The following TUBAL3 variants were observed in gnomAD, a reference collection of about 807,000 sequenced individuals.
TUBAL3 encodes the protein tubulin alpha chain-like 3.
TUBAL3 carries 16 observed loss-of-function variants against 15.5 expected under a neutral mutation model. That is an observed-to-expected ratio of 1.04 (90% confidence interval 0.70 to 1.57). The LOEUF is 1.57. Among genes scored for constraint, TUBAL3 ranks in the 40% most tolerant of loss-of-function variants. The probability of loss-of-function intolerance (pLI) is 0.00; values close to 1 mark genes in which losing one functional copy is unlikely to be tolerated. For synonymous variants in TUBAL3, 238 were observed against 224.3 expected, an observed-to-expected ratio of 1.06 and a Z score of -0.55; for missense variants, 609 against 576.2, an observed-to-expected ratio of 1.06 and a Z score of -0.58.
chr10:5,401,515 GAAAT>G (rs1279581993), intron 1 of TUBAL3, among the ~76,000 whole-genome samples: 1 of 151,880 alleles, frequency 6.6e-6, no homozygotes, highest in African/African-American at 2.4e-5. Context: ...TTATTGGAAA[GAAAT>G]AAAACTAAAA....
chr10:5,400,383 G>A (rs1198967873), intron 2 of TUBAL3, among the ~76,000 whole-genome samples: 2 of 152,170 alleles, frequency 1.3e-5, no homozygotes, highest in African/African-American at 4.8e-5. Context: ...TGTAATCCCA[G>A]CACTTTGGGA....
At position 5,396,063 on chromosome 10, in the gene TUBAL3, C is replaced by T. The variant is rs77291689; in HGVS notation, c.248-588G>A. Among the ~76,000 whole-genome samples, 1 of 152,118 alleles carries T rather than the reference C, an allele frequency of 6.6e-6. No individual in the cohort carries two copies. Among genetic ancestry groups the T allele is most frequent in the African/African-American group, 2.4e-5 (1 of 41,412 alleles). On this transcript the variant is annotated intron_variant, in intron 2 of 3. Transcript: ENST00000380419. This position sits in a 1 kb window ranked among gnomAD's most constrained non-coding sequence, Gnocchi z 5.1. Reference sequence around the variant, plus strand: ...TTTAACTAGCTACATCAGCAAAGACCCTGTTTCCAAATAAAGTCACATTCT... The same window carrying T: ...TTTAACTAGCTACATCAGCAAAGACTCTGTTTCCAAATAAAGTCACATTCT...
chr10:5,394,066 G>C lies in TUBAL3; in HGVS notation c.792C>G (p.Thr264=). Reference sequence around the variant, plus strand: ...GTATTCTCGGATAAGGTACCAGGTTGGTCTGGAATTCAATTAGGTCTACAT... The same window carrying C: ...GTATTCTCGGATAAGGTACCAGGTTCGTCTGGAATTCAATTAGGTCTACAT... The part of the protein sequence containing the change: ...PLNVDLIEFQ[T]NLVPYPRIHF... The change falls in exon 4 of 4, where the codon ACC becomes ACG. Residue 264 remains threonine, a synonymous_variant. Transcript: ENST00000380419. This position sits in a 1 kb window ranked among gnomAD's most constrained non-coding sequence, Gnocchi z 4.3. 1 of 1,614,176 alleles carries C rather than the reference G, an allele frequency of 6.2e-7. No individual in the cohort carries two copies. The highest frequency in any genetic ancestry group is 8.5e-7 in the Non-Finnish European group (1 of 1,180,044).
rs1017501437 is a variant in TUBAL3 at position 5,395,181 on chromosome 10, C to A, written c.396+146G>T. On this transcript the variant is annotated intron_variant, in intron 3 of 3. Coordinates refer to ENST00000380419, the MANE Select transcript of TUBAL3 (RefSeq NM_024803.3). This position sits in a 1 kb window ranked among gnomAD's most constrained non-coding sequence, Gnocchi z 4.6. ...GGGAAATCAAAGCCAAGATGAGAAC[C>A]CCTCCCCAGTTCTGAGCACCCAGAC... The A allele has an allele frequency of 9.8e-6, 8 of 819,798 alleles. No individual in the cohort carries two copies. Among genetic ancestry groups the A allele is most frequent in the Middle Eastern group, 4.0e-4 (1 of 2,490 alleles). 50.8% of individuals were successfully genotyped at this position (819,798 alleles called of 1,614,324 possible).
chr10:5,394,037 A>G lies in TUBAL3; in HGVS notation c.821T>C (p.Phe274Ser). ...GATGGGGGCGAAGGCTGTCATGGGG[A>G]AATGTATTCTCGGATAAGGTACCAG... is the stretch of plus-strand genomic sequence containing the variant. ...TNLVPYPRIHFPMTAFAPIVS... is the reference protein window; with the variant it reads ...TNLVPYPRIHSPMTAFAPIVS... Residue 274 changes from phenylalanine (F) to serine (S), a missense_variant, in exon 4 of 4, where the codon TTC becomes TCC. Transcript: ENST00000380419. The surrounding 1 kb of genome is among the most constrained non-coding windows in gnomAD (Gnocchi z 4.3). The G allele has an allele frequency of 6.2e-7, 1 of 1,614,126 alleles. No individual in the cohort carries two copies. The highest frequency in any genetic ancestry group is 8.5e-7 in the Non-Finnish European group (1 of 1,180,010).
At chr10:5,403,962 C>A (rs1831895214) in intron 1 of TUBAL3, among the ~76,000 whole-genome samples, 2 of 152,172 alleles carry the variant, frequency 1.3e-5, no homozygotes, top group South Asian at 4.1e-4. Flanking sequence ...AGGAAGATCC[C>A]TTGCATCCGT....
rs1390159012 is a variant in TUBAL3 at position 5,396,039 on chromosome 10, T to G, written c.248-564A>C. ...CACCCTAATCCAGGAGGACCTCATT[T>G]TAACTAGCTACATCAGCAAAGACCC... On this transcript the variant is annotated intron_variant, in intron 2 of 3. Transcript: ENST00000380419. This position sits in a 1 kb window ranked among gnomAD's most constrained non-coding sequence, Gnocchi z 5.1. 6.6e-6 allele frequency among the ~76,000 whole-genome samples: 1 copy of G among 152,186 alleles called. No homozygotes were observed. The highest frequency in any genetic ancestry group is 1.5e-5 in the Non-Finnish European group (1 of 68,042).
At chr10:5,403,947 A>C (rs1377279418) in intron 1 of TUBAL3, among the ~76,000 whole-genome samples, 1 of 152,226 alleles carries the variant, frequency 6.6e-6, no homozygotes, top group Non-Finnish European at 1.5e-5. Context: ...TGTGAGAAAT[A>C]ACATAGGAAG....
At chr10:5,398,236 C>T (rs548614143) in intron 2 of TUBAL3, among the ~76,000 whole-genome samples, 7 of 152,100 alleles carry the variant, frequency 4.6e-5, no homozygotes, top group East Asian at 3.9e-4. Context: ...GCCTGGCCAA[C>T]GTGGTGAAAC....
rs2119135956 is a variant in TUBAL3, at chr10:5,393,448, G to A, written c.*69C>T. 1 of 1,376,740 alleles carries A rather than the reference G, an allele frequency of 7.3e-7. No individual in the cohort carries two copies. Among genetic ancestry groups the A allele is most frequent in the South Asian group, 1.4e-5 (1 of 72,902 alleles). The allele number at this position is 1,376,740 out of a possible 1,614,324, so 85.3% of individuals were successfully genotyped here. On this transcript the variant is annotated 3_prime_UTR_variant, in exon 4 of 4. Transcript: ENST00000380419. ...GCTCATCAGGGGAACTACCCACTAG[G>A]CATATAACGGCTTGAAAAGAAAACA... is the stretch of plus-strand genomic sequence containing the variant.
rs1831734443 is a variant in TUBAL3, at chr10:5,394,577, T to C, written c.397-116A>G. ...CAAAACAAAATCTTTCAGAAAGGAC[T>C]CCTTTGCCTTTGTTAACTCCACAAC... On this transcript the variant is annotated intron_variant, in intron 3 of 3. Coordinates refer to ENST00000380419, the MANE Select transcript of TUBAL3 (RefSeq NM_024803.3). This position sits in a 1 kb window ranked among gnomAD's most constrained non-coding sequence, Gnocchi z 4.3. 3 of 914,072 alleles carry C rather than the reference T, an allele frequency of 3.3e-6. No homozygotes were observed. The highest frequency in any genetic ancestry group is 3.3e-5 in the African/African-American group (2 of 60,010). 56.6% of individuals were successfully genotyped at this position (914,072 alleles called of 1,614,324 possible). A position where few individuals can be genotyped will look rare whatever the true frequency, so the allele number is the denominator to read the frequency against.
chr10:5,395,453 G>T lies in TUBAL3; in HGVS notation c.270C>A (p.His90Gln). 1 of 1,570,920 alleles carries T rather than the reference G, an allele frequency of 6.4e-7. No individual in the cohort carries two copies. The highest frequency in any genetic ancestry group is 8.7e-7 in the Non-Finnish European group (1 of 1,152,912). ...TVIDGIRTGQ[H>Q]RSLFHPEQLL... Reference sequence around the variant, plus strand: ...GCTGCTCGGGGTGGAAGAGTGAACGGTGCTGGCCCGTCCGGATCCCATCTG... The same window carrying T: ...GCTGCTCGGGGTGGAAGAGTGAACGTTGCTGGCCCGTCCGGATCCCATCTG... Residue 90 changes from histidine to glutamine, a missense_variant, in exon 3 of 4, where the codon CAC becomes CAA. Physicochemically the swap from His to Gln is conservative, Grantham distance 24. Transcript: ENST00000380419. The surrounding 1 kb of genome is among the most constrained non-coding windows in gnomAD (Gnocchi z 4.6).
chr10:5,404,398 G>A (rs571853530), intron 1 of TUBAL3, among the ~76,000 whole-genome samples: 1 of 152,310 alleles, frequency 6.6e-6, no homozygotes, highest in East Asian at 1.9e-4. Flanking sequence ...GTTAGCCACG[G>A]TTACCTAAGT....
At chr10:5,399,284 T>G (rs1390174778) in intron 2 of TUBAL3, among the ~76,000 whole-genome samples, 1 of 152,214 alleles carries the variant, frequency 6.6e-6, no homozygotes, top group African/African-American at 2.4e-5. Flanking sequence ...AATTCATGCG[T>G]TGAATCCCTA....
intron 1 of TUBAL3, among the ~76,000 whole-genome samples, chr10:5,404,360 G>A (rs891907672): frequency 1.3e-5 from 2 of 152,176 alleles, no homozygotes; most frequent in Middle Eastern, 3.2e-3. Context: ...AGATGTCTGC[G>A]CACTTTACCC....
rs782630053 is a variant in TUBAL3 at position 5,393,961 on chromosome 10, G to T, written c.897C>A (p.Thr299=). ...GGTTGGAGGACTCAAAGCAGGCAGT[G>T]GTGATGTCTGACACAGAGAACTGCT... ...YHEQFSVSDI[T]TACFESSNQL... The change falls in exon 4 of 4, where the codon ACC becomes ACA. Residue 299 remains threonine, a synonymous_variant. Transcript: ENST00000380419. The T allele has an allele frequency of 5.3e-5, 86 of 1,614,080 alleles. No homozygotes were observed. In the East Asian group the frequency reaches 1.8e-3, roughly 34 times the overall value.
rs895425520 is a variant in TUBAL3, at chr10:5,401,472, C to A, written c.4-385G>T. ...TGTGTGTGCGTGTAGTTATATATAT[C>A]AAGTGGGCTTGTCTAGAAATAAAAT... On this transcript the variant is annotated intron_variant, in intron 1 of 3. Transcript: ENST00000380419. 5.9e-5 allele frequency among the ~76,000 whole-genome samples: 9 copies of A among 151,438 alleles called. 1 individual carries two copies. Among genetic ancestry groups the A allele is most frequent in the Admixed American group, 5.3e-4 (8 of 15,198 alleles).
rs1392466185 is a variant in TUBAL3, at chr10:5,395,846, G to A, written c.248-371C>T. On this transcript the variant is annotated intron_variant, in intron 2 of 3. Transcript: ENST00000380419. The surrounding 1 kb of genome is among the most constrained non-coding windows in gnomAD (Gnocchi z 4.6). Reference sequence around the variant, plus strand: ...GTTCCTGCTGGAGGCCCCAGGGAGCGTCTGGTCCAAACATCTCTCCTGGCA... The same window carrying A: ...GTTCCTGCTGGAGGCCCCAGGGAGCATCTGGTCCAAACATCTCTCCTGGCA... 2.0e-5 allele frequency among the ~76,000 whole-genome samples: 3 copies of A among 152,106 alleles called. No homozygotes were observed. The highest frequency in any genetic ancestry group is 4.4e-5 in the Non-Finnish European group (3 of 68,012).
intron 2 of TUBAL3, among the ~76,000 whole-genome samples, chr10:5,399,767 G>A (rs1554814480): frequency 6.6e-6 from 1 of 152,246 alleles, no homozygotes; most frequent in Admixed American, 6.5e-5. Flanking sequence ...GCACCAAGGG[G>A]CAGCGATGTA....
Sources: allele counts gnomAD v4.1 joint callset (sites outside exome capture counted in the v4.1 genomes callset), GRCh38; gene constraint gnomAD v4.1.1; non-coding constraint Gnocchi (gnomAD v3.1); transcripts MANE v1.5; gene names NCBI Gene and HGNC (gene_info 2026-07-23, HGNC 2026-07-21).